Variants in AUTS2 observed in about 807,000 individuals in gnomAD.
The protein encoded by AUTS2 is activator of transcription and developmental regulator AUTS2.
AUTS2 carries 17 observed loss-of-function variants against 112.4 expected under a neutral mutation model. That is an observed-to-expected ratio of 0.15 (90% CI 0.10 to 0.23). AUTS2 has a LOEUF of 0.23. AUTS2 is among the 10% of genes least tolerant of loss of function. AUTS2 has a pLI of 1.00. For synonymous variants in AUTS2, 751 were observed against 702.7 expected, an observed-to-expected ratio of 1.07 and a Z score of -1.09; for missense variants, 1,510 against 1,701.6, an observed-to-expected ratio of 0.89 and a Z score of 1.98.
At chr7:70,178,868 T>C (rs1406917595) in intron 4 of AUTS2, among the ~76,000 whole-genome samples, 1 of 152,186 alleles carries the variant, frequency 6.6e-6, no homozygotes, top group Non-Finnish European at 1.5e-5. Flanking sequence ...CAGGGTCTTA[T>C]GGATGTCTTT....
At chr7:70,308,852 A>G (rs1031546579) in intron 4 of AUTS2, among the ~76,000 whole-genome samples, 15 of 152,168 alleles carry the variant, frequency 9.9e-5, no homozygotes, top group African/African-American at 2.4e-4. Context: ...GCTGAATAAA[A>G]TAAGAGGTGA....
intron 2 of AUTS2, among the ~76,000 whole-genome samples, chr7:69,979,502 A>C (rs1329907007): frequency 6.6e-6 from 1 of 152,260 alleles, no homozygotes; most frequent in Non-Finnish European, 1.5e-5. Context: ...TTTTCAAGTT[A>C]GTACAAGGAG....
intron 2 of AUTS2, among the ~76,000 whole-genome samples, chr7:70,059,262 T>A (rs561609582): frequency 6.6e-6 from 1 of 152,348 alleles, no homozygotes; most frequent in East Asian, 1.9e-4. Context: ...ACTATATATA[T>A]GTAGCCTTTC....
chr7:70,379,257 T>C (rs973261052), intron 4 of AUTS2, among the ~76,000 whole-genome samples: 1 of 152,080 alleles, frequency 6.6e-6, no homozygotes, highest in African/African-American at 2.4e-5. Flanking sequence ...CCCAGCACTT[T>C]GGGGGAGCCG....
chr7:69,885,073 A>AG (rs1336888852), intron 1 of AUTS2, among the ~76,000 whole-genome samples: 1 of 152,246 alleles, frequency 6.6e-6, no homozygotes, highest in Non-Finnish European at 1.5e-5. Flanking sequence ...ACAGAGTCAT[A>AG]GCTGTGTGAA....
chr7:70,158,752 G>A (rs1160563055), intron 4 of AUTS2, among the ~76,000 whole-genome samples: 1 of 152,022 alleles, frequency 6.6e-6, no homozygotes, highest in Non-Finnish European at 1.5e-5. Flanking sequence ...AAAAAAAAAT[G>A]CGGTTATTAG....
intron 10 of AUTS2, among the ~76,000 whole-genome samples, chr7:70,769,196 A>T (rs1241001967): frequency 6.6e-6 from 1 of 152,190 alleles, no homozygotes; most frequent in Non-Finnish European, 1.5e-5. Context: ...AGAAAAGTGT[A>T]TTTGAGTGAT....
At chr7:70,300,531 A>AT (rs1196068768) in intron 4 of AUTS2, among the ~76,000 whole-genome samples, 1 of 152,026 alleles carries the variant, frequency 6.6e-6, no homozygotes, top group Non-Finnish European at 1.5e-5. Context: ...GTCACCAGTG[A>AT]TTTTTTTCCC....
At chr7:69,980,068 C>G (rs1798232170) in intron 2 of AUTS2, among the ~76,000 whole-genome samples, 1 of 152,062 alleles carries the variant, frequency 6.6e-6, no homozygotes, top group Non-Finnish European at 1.5e-5. Context: ...AGACTTTTCC[C>G]CACTTCACCC....
At chr7:69,654,639 A>T (rs922421851) in intron 1 of AUTS2, among the ~76,000 whole-genome samples, 3 of 152,200 alleles carry the variant, frequency 2.0e-5, no homozygotes, top group Admixed American at 1.3e-4. Flanking sequence ...GCCCAGTTCC[A>T]GGGCTCTTGT....
At chr7:69,975,098 T>C (rs1798002220) in intron 2 of AUTS2, among the ~76,000 whole-genome samples, 1 of 152,232 alleles carries the variant, frequency 6.6e-6, no homozygotes, top group African/African-American at 2.4e-5. Context: ...CTGAGGAATG[T>C]TTGCACTTGA....
intron 1 of AUTS2, among the ~76,000 whole-genome samples, chr7:69,661,171 G>T (rs1301133158): frequency 6.6e-6 from 1 of 152,132 alleles, no homozygotes; most frequent in East Asian, 1.9e-4. Flanking sequence ...CTAGAGAGGA[G>T]TAAAGACTGG....
chr7:69,614,348 C>CTTTCTTTTCTTTCT (rs1562759838), intron 1 of AUTS2, among the ~76,000 whole-genome samples: 5 of 78,426 alleles, frequency 6.4e-5, no homozygotes, highest in African/African-American at 8.6e-5. Context: ...TTCTTTCTTT[C>CTTTCTTTTCTTTCT]TTTCTTTCTT....
At chr7:70,589,578 G>A (rs1265665601) in intron 5 of AUTS2, among the ~76,000 whole-genome samples, 1 of 152,170 alleles carries the variant, frequency 6.6e-6, no homozygotes, top group Non-Finnish European at 1.5e-5. Context: ...GCGGGATGCG[G>A]TGGCAGACGC....
At chr7:70,572,850 T>C (rs1178269233) in intron 5 of AUTS2, among the ~76,000 whole-genome samples, 1 of 152,198 alleles carries the variant, frequency 6.6e-6, no homozygotes, top group East Asian at 1.9e-4. Context: ...AGATTAATAT[T>C]TTAGCTATTC....
At chr7:69,904,553 A>G (rs896794047) in intron 2 of AUTS2, among the ~76,000 whole-genome samples, 13 of 152,178 alleles carry the variant, frequency 8.5e-5, no homozygotes, top group African/African-American at 2.4e-4. Context: ...GAACTTTGCT[A>G]TGTGCTCTTT....
At chr7:70,068,482 C>G (rs1010753872) in intron 2 of AUTS2, among the ~76,000 whole-genome samples, 1 of 151,946 alleles carries the variant, frequency 6.6e-6, no homozygotes, top group African/African-American at 2.4e-5. Flanking sequence ...CTGTGCCCGG[C>G]CATAAGTAGA....
chr7:70,002,584 T>C (rs1031667740), intron 2 of AUTS2, among the ~76,000 whole-genome samples: 1 of 152,122 alleles, frequency 6.6e-6, no homozygotes, highest in African/African-American at 2.4e-5. Context: ...GGACTAAAAG[T>C]GTGATTATGT....
intron 5 of AUTS2, among the ~76,000 whole-genome samples, chr7:70,487,231 GC>G (rs542801192): frequency 0.01 from 1,531 of 151,722 alleles, 5 homozygotes; most frequent in African/African-American, 0.015. Context: ...CCTCCCCCGC[GC>G]CCCCCTCCCA....
Sources: gnomAD v4.1 joint callset for allele counts (sites outside exome capture counted in the v4.1 genomes callset) on GRCh38, gnomAD v4.1.1 for gene constraint, MANE v1.5 for transcripts, NCBI Gene and HGNC (gene_info 2026-07-23, HGNC 2026-07-21) for gene names.